The following PHYKPL variants were observed in gnomAD, a reference collection of about 807,000 sequenced individuals.
The protein encoded by PHYKPL is 5-phosphonooxy-L-lysine phospho-lyase.
A neutral mutation model predicts 51.3 loss-of-function variants in PHYKPL; 42 were observed. That is an observed-to-expected ratio of 0.82 (90% confidence interval 0.64 to 1.06). The LOEUF (loss-of-function observed/expected upper bound fraction) is 1.06, where lower values mean the gene tolerates loss of function less well. Ranked by LOEUF, PHYKPL falls within the 50% of genes least tolerant of loss-of-function variation. PHYKPL has a pLI of 0.00. For missense variants in PHYKPL, 655 were observed against 586.6 expected (o/e 1.12, Z -1.20); for synonymous variants, 264 against 236.0 (o/e 1.12, Z -1.09).
At position 178,222,355 on chromosome 5, in the gene PHYKPL, C is replaced by T. The variant is rs1182433996; in HGVS notation, c.927G>A (p.Thr309=). The change falls in exon 8 of 13, where the codon ACG becomes ACA. Residue 309 remains threonine, a splice_region_variant and synonymous_variant. Transcript: ENST00000308158. ...FEATGVEYFN[T]FGGSPVSCAV... ...CCCTTGACTTAGAGCCATCACTCACCGTGTTGAAGTACTCAACGCCGGTGG... is the reference window on the plus strand; with the variant it reads ...CCCTTGACTTAGAGCCATCACTCACTGTGTTGAAGTACTCAACGCCGGTGG... The T allele has an allele frequency of 1.7e-5, 28 of 1,606,956 alleles. No homozygotes were observed. Among genetic ancestry groups the T allele is most frequent in the African/African-American group, 6.7e-5 (5 of 74,806 alleles).
In PHYKPL at chr5:178,231,533, C is replaced by T. The variant is rs201260426; in HGVS notation, c.60-10G>A. 6.0e-4 allele frequency: 974 copies of T among 1,614,022 alleles called. 1 individual carries two copies. Among genetic ancestry groups the T allele is most frequent in the Non-Finnish European group, 7.4e-4 (875 of 1,180,020 alleles). On this transcript the variant is annotated splice_polypyrimidine_tract_variant and intron_variant, in intron 1 of 12. Transcript: ENST00000308158. ...GAGTCTGCAGGAAGAGCTGTGGGGA[C>T]AGGCAAGGAGTGGACAGCCATGTCT...
intron 3 of PHYKPL, 140 bp downstream of exon 3, chr5:178,229,800 G>A (rs1030417888): frequency 2.6e-5 from 27 of 1,047,494 alleles, no homozygotes; most frequent in Non-Finnish European, 3.5e-5. Context: ...GCCTACAGCC[G>A]GGAATCTCAG....
chr5:178,222,069 G>A (rs562745407), intron 8 of PHYKPL, among the ~76,000 whole-genome samples: 5 of 152,328 alleles, frequency 3.3e-5, no homozygotes, highest in East Asian at 3.9e-4. Context: ...GACACAGGGC[G>A]TGGCACAGAA....
At chr5:178,214,925 G>C in intron 9 of PHYKPL, 40 bp from the exon 10 acceptor site, 3 of 1,595,720 alleles carry the variant, frequency 1.9e-6, no homozygotes, top group Non-Finnish European at 2.6e-6. Flanking sequence ...GGCCAGGCCT[G>C]AGGGGCCAGG....
intron 8 of PHYKPL, among the ~76,000 whole-genome samples, chr5:178,218,013 C>T (rs540379613): frequency 4.2e-4 from 62 of 148,000 alleles, no homozygotes; most frequent in African/African-American, 1.5e-3. Flanking sequence ...GTCAGGAGAT[C>T]GAGACCATCC....
intron 12 of PHYKPL, chr5:178,210,280 G>GGAGA: frequency 5.0e-6 from 8 of 1,614,128 alleles, no homozygotes; most frequent in Non-Finnish European, 6.8e-6. Context: ...ACAGTAAGTA[G>GGAGA]GAGAGAGGGA....
intron 10 of PHYKPL, among the ~76,000 whole-genome samples, chr5:178,214,396 T>A (rs1759313484): frequency 6.6e-6 from 1 of 152,096 alleles, no homozygotes; most frequent in African/African-American, 2.4e-5. Context: ...ATGGGAACCC[T>A]GAGTCTAGTG....
Position 178,232,736 on chromosome 5 carries a change from T to G in PHYKPL, c.-186A>C. The G allele has an allele frequency of 1.7e-6, 1 of 589,406 alleles. No individual in the cohort carries two copies. The allele number at this position is 589,406 out of a possible 1,614,324, so 36.5% of individuals were successfully genotyped here. On this transcript the variant is annotated 5_prime_UTR_variant, in exon 1 of 13. Coordinates refer to ENST00000308158, the MANE Select transcript of PHYKPL (RefSeq NM_153373.4). ...CATTTCTTCGCTTGCCCACTGGGCC[T>G]GGCAGCCTTCCGGCCCGTGGTCGTG...
chr5:178,218,724 T>A (rs1760477129), intron 8 of PHYKPL, among the ~76,000 whole-genome samples: 1 of 152,200 alleles, frequency 6.6e-6, no homozygotes. Context: ...ACATAACTTT[T>A]AAAGAAGTTA....
At chr5:178,225,606 GAA>G (rs199735014) in intron 3 of PHYKPL, 177 bp from the exon 4 acceptor site, 8 of 615,554 alleles carry the variant, frequency 1.3e-5, no homozygotes, top group Admixed American at 2.8e-5. Flanking sequence ...GAAGCTGGGG[GAA>G]AAAGAGTAGG....
In PHYKPL at chr5:178,231,409, C is replaced by T. The variant is rs769148930; in HGVS notation, c.174G>A (p.Ala58=). The part of the protein sequence containing the change: ...AEYIDCISNV[A]HVGHCHPLVV... ...AGCCTGAGGTGTGATACTGACCGTG[C>T]GCCACATTGCTGATGCAATCGATGT... is the stretch of plus-strand genomic sequence containing the variant. The change falls in exon 2 of 13, where the codon GCG becomes GCA. Residue 58 remains alanine, a synonymous_variant. Transcript: ENST00000308158. 9.3e-6 allele frequency: 15 copies of T among 1,614,066 alleles called. No homozygotes were observed. The highest frequency in any genetic ancestry group is 6.7e-5 in the Admixed American group (4 of 59,996).
intron 3 of PHYKPL, among the ~76,000 whole-genome samples, chr5:178,227,484 G>A (rs1175933037): frequency 1.3e-5 from 2 of 152,234 alleles, no homozygotes; most frequent in African/African-American, 4.8e-5. Flanking sequence ...ACTGAGTCTT[G>A]AGGGAGAGGT....
chr5:178,231,298 C>T, intron 2 of PHYKPL, 107 bp downstream of exon 2: 3 of 1,567,300 alleles, frequency 1.9e-6, no homozygotes, highest in East Asian at 2.2e-5. Flanking sequence ...AGTGCCTCAA[C>T]TCCACCCAGG....
Position 178,224,428 on chromosome 5 carries a change from A to C in PHYKPL, c.618+20T>G. 10 of 1,547,646 alleles carry C rather than the reference A, an allele frequency of 6.5e-6. No individual in the cohort carries two copies. The highest frequency in any genetic ancestry group is 8.8e-6 in the Non-Finnish European group (10 of 1,142,280). ...TGACATTCACTGTTGGCTGGATTGG[A>C]CAGGCGCGGACACGGTTACCTTCCT... On this transcript the variant is annotated intron_variant, in intron 6 of 12. Transcript: ENST00000308158.
chr5:178,229,103 ATTTTTTTTT>A (rs55725801), intron 3 of PHYKPL, among the ~76,000 whole-genome samples: 24 of 118,280 alleles, frequency 2.0e-4, no homozygotes, highest in African/African-American at 7.8e-4. Context: ...TGATGAGACT[ATTTTTTTTT>A]TTTTTTTTTT....
At chr5:178,210,481 G>A (rs1392453392) in intron 12 of PHYKPL, 9 of 1,515,706 alleles carry the variant, frequency 5.9e-6, no homozygotes, top group Non-Finnish European at 8.2e-6. Flanking sequence ...GTCCTGGGAA[G>A]ATGCATATCA....
At chr5:178,212,864 G>T in intron 11 of PHYKPL, 109 bp downstream of exon 11, 4 of 1,441,378 alleles carry the variant, frequency 2.8e-6, no homozygotes, top group Non-Finnish European at 3.8e-6. Context: ...GAGGACATGT[G>T]CCTCTGCTCT....
intron 6 of PHYKPL, chr5:178,223,914 C>A (rs1462330112): frequency 5.3e-6 from 1 of 188,532 alleles, no homozygotes; most frequent in Non-Finnish European, 1.1e-5. Flanking sequence ...TGACCTCAAG[C>A]CGCCGCATTC....
intron 8 of PHYKPL, among the ~76,000 whole-genome samples, chr5:178,222,102 A>T (rs41285579): frequency 1.3e-5 from 2 of 152,232 alleles, no homozygotes; most frequent in Non-Finnish European, 2.9e-5. Flanking sequence ...GCTGAAAGGA[A>T]GACAGGGACT....
Sources: gnomAD v4.1 joint callset for allele counts (sites outside exome capture counted in the v4.1 genomes callset) on GRCh38, gnomAD v4.1.1 for gene constraint, MANE v1.5 for transcripts, NCBI Gene and HGNC (gene_info 2026-07-23, HGNC 2026-07-21) for gene names.